The following RPS6KB1 variants were observed in gnomAD, a reference collection of about 807,000 sequenced individuals.
The protein encoded by RPS6KB1 is ribosomal protein S6 kinase beta-1.
In RPS6KB1, 12 loss-of-function variants were observed where a neutral mutation model predicts 70.2. That is an observed-to-expected ratio of 0.17 (90% CI 0.11 to 0.28). RPS6KB1 has a LOEUF of 0.28. Among genes scored for constraint, RPS6KB1 ranks in the 10% least tolerant of loss-of-function variants. RPS6KB1 has a pLI of 1.00. For missense variants in RPS6KB1, 270 were observed against 646.6 expected (o/e 0.42, Z 6.32); for synonymous variants, 175 against 211.2 (o/e 0.83, Z 1.49).
At chr17:59,923,667 G>T (rs151072504) in intron 4 of RPS6KB1, among the ~76,000 whole-genome samples, 1 of 151,530 alleles carries the variant, frequency 6.6e-6, no homozygotes, top group Non-Finnish European at 1.5e-5. Flanking sequence ...CTGCCACCAC[G>T]CCCGGCTAAT....
chr17:59,923,905 T>A (rs903678368), intron 4 of RPS6KB1, among the ~76,000 whole-genome samples: 10 of 152,238 alleles, frequency 6.6e-5, no homozygotes, highest in Non-Finnish European at 1.5e-4. Context: ...AGTTGTACAA[T>A]ATGTGCATAA....
chr17:59,897,456 G>C (rs1476648212), intron 1 of RPS6KB1, among the ~76,000 whole-genome samples: 1 of 152,040 alleles, frequency 6.6e-6, no homozygotes. Flanking sequence ...TTAAACTCGA[G>C]GTGCTGTATT....
Position 59,934,136 on chromosome 17 carries a change from C to G in RPS6KB1, c.689-34C>G. ...TCAAACACTGCACATACTTATAATT[C>G]GGAGAATAATCATGCTGTAATCTTT... On this transcript the variant is annotated intron_variant, in intron 7 of 14. Coordinates refer to ENST00000225577, the MANE Select transcript of RPS6KB1 (RefSeq NM_003161.4). The surrounding 1 kb of genome is among the most constrained non-coding windows in gnomAD (Gnocchi z 4.8). 5 of 1,280,696 alleles carry G rather than the reference C, an allele frequency of 3.9e-6. No homozygotes were observed. The highest frequency in any genetic ancestry group is 5.7e-6 in the Non-Finnish European group (5 of 876,052). The allele number at this position is 1,280,696 out of a possible 1,614,324, so 79.3% of individuals were successfully genotyped here. A position where few individuals can be genotyped will look rare whatever the true frequency, so the allele number is the denominator to read the frequency against.
chr17:59,925,722 T>G (rs1481011646), intron 4 of RPS6KB1, among the ~76,000 whole-genome samples: 1 of 152,210 alleles, frequency 6.6e-6, no homozygotes, highest in Non-Finnish European at 1.5e-5. Context: ...CATACCAAAC[T>G]ACTTGTAGAT....
At chr17:59,899,507 A>G (rs78859268) in intron 1 of RPS6KB1, among the ~76,000 whole-genome samples, 7,601 of 152,230 alleles carry the variant, frequency 0.05, 595 homozygotes, top group African/African-American at 0.17. Flanking sequence ...TTTAATTTAG[A>G]ATTAAGTAAA....
rs866049296 is a variant in RPS6KB1 at position 59,938,745 on chromosome 17, T to G, written c.1120-2091T>G. 1.3e-3 allele frequency among the ~76,000 whole-genome samples: 114 copies of G among 85,262 alleles called. 1 individual carries two copies. Among genetic ancestry groups the G allele is most frequent in the South Asian group, 2.3e-3 (5 of 2,136 alleles). The allele number at this position is 85,262 out of a possible 152,430, so 55.9% of individuals were successfully genotyped here. Reference sequence around the variant, plus strand: ...TGTGTGTGTGTGTGTGTGTGTGTGTTTAAGTGATGTTAGTGGTCACTGATC... The same window carrying G: ...TGTGTGTGTGTGTGTGTGTGTGTGTGTAAGTGATGTTAGTGGTCACTGATC... On this transcript the variant is annotated intron_variant, in intron 12 of 14. Coordinates refer to ENST00000225577, the MANE Select transcript of RPS6KB1 (RefSeq NM_003161.4).
chr17:59,905,963 T>C (rs2144731981), intron 1 of RPS6KB1, among the ~76,000 whole-genome samples: 1 of 152,206 alleles, frequency 6.6e-6, no homozygotes, highest in South Asian at 2.1e-4. Context: ...GCTCGAGTTT[T>C]ATAGTTTTAG....
chr17:59,905,605 A>G (rs2042218656), intron 1 of RPS6KB1, among the ~76,000 whole-genome samples: 1 of 151,404 alleles, frequency 6.6e-6, no homozygotes. Flanking sequence ...CCTGGATTCA[A>G]GCAATTCTCC....
In RPS6KB1 at chr17:59,939,844, A is replaced by G. The variant is rs536505542; in HGVS notation, c.1120-992A>G. On this transcript the variant is annotated intron_variant, in intron 12 of 14. Transcript: ENST00000225577. The stretch of plus-strand genomic sequence containing the variant: ...AAGGTCAATGTGGTCATCTTTTAGT[A>G]TTAAGTCAGATATTCTAAATTATTA... Among the ~76,000 whole-genome samples, 61 of 152,298 alleles carry G rather than the reference A, an allele frequency of 4.0e-4. 2 individuals carry two copies. In the South Asian group the frequency reaches 0.012, roughly 31 times the overall value.
intron 12 of RPS6KB1, among the ~76,000 whole-genome samples, chr17:59,938,199 G>T (rs1463320775): frequency 7.5e-6 from 1 of 133,750 alleles, no homozygotes; most frequent in Non-Finnish European, 1.6e-5. Context: ...GGGGGATAGG[G>T]TCTTTCTCTG....
intron 12 of RPS6KB1, among the ~76,000 whole-genome samples, chr17:59,938,018 A>G (rs1361814167): frequency 6.6e-6 from 1 of 152,084 alleles, no homozygotes; most frequent in African/African-American, 2.4e-5. Flanking sequence ...ACAACAAACA[A>G]TTGTAAGGAA....
At chr17:59,898,455 T>C (rs1481869558) in intron 1 of RPS6KB1, among the ~76,000 whole-genome samples, 3 of 152,126 alleles carry the variant, frequency 2.0e-5, no homozygotes, top group African/African-American at 4.8e-5. Flanking sequence ...AACTTTTTTT[T>C]ATTTTTTATT....
At chr17:59,911,095 C>T (rs552526905) in intron 2 of RPS6KB1, among the ~76,000 whole-genome samples, 3 of 152,262 alleles carry the variant, frequency 2.0e-5, no homozygotes, top group African/African-American at 2.4e-5. Flanking sequence ...CCAGCCTGGC[C>T]GACATGGCGA....
At chr17:59,900,447 C>T (rs1049499330) in intron 1 of RPS6KB1, among the ~76,000 whole-genome samples, 7 of 152,002 alleles carry the variant, frequency 4.6e-5, no homozygotes, top group Non-Finnish European at 8.8e-5. Flanking sequence ...CTCACTGCAA[C>T]CTCCACCTCC....
intron 1 of RPS6KB1, among the ~76,000 whole-genome samples, chr17:59,901,572 A>G (rs2041947399): frequency 1.4e-5 from 2 of 146,672 alleles, no homozygotes; most frequent in Admixed American, 6.9e-5. Flanking sequence ...GATGGAGCGC[A>G]TGAGCCTAGG....
At chr17:59,895,318 C>CTTTTT (rs71145587) in intron 1 of RPS6KB1, among the ~76,000 whole-genome samples, 3 of 106,282 alleles carry the variant, frequency 2.8e-5, no homozygotes, top group South Asian at 3.6e-4. Context: ...CTGCGCCTGG[C>CTTTTT]TTTTTTTTTT....
chr17:59,916,455 C>T (rs1164312826), intron 4 of RPS6KB1, among the ~76,000 whole-genome samples: 3 of 152,250 alleles, frequency 2.0e-5, no homozygotes, highest in Non-Finnish European at 4.4e-5. Flanking sequence ...CTTCACCCTC[C>T]TTTATCCTCA....
At chr17:59,921,613 G>C (rs569409187) in intron 4 of RPS6KB1, among the ~76,000 whole-genome samples, 1 of 152,154 alleles carries the variant, frequency 6.6e-6, no homozygotes, top group Non-Finnish European at 1.5e-5. Flanking sequence ...TGGACATTCT[G>C]TCTGGATTTA....
intron 13 of RPS6KB1, among the ~76,000 whole-genome samples, chr17:59,942,069 A>C (rs567102885): frequency 6.6e-6 from 1 of 151,786 alleles, no homozygotes; most frequent in Non-Finnish European, 1.5e-5. Flanking sequence ...CGTGTTAGCC[A>C]GGATAGTTTT....
Sources: gnomAD v4.1 joint callset for allele counts (sites outside exome capture counted in the v4.1 genomes callset) on GRCh38, gnomAD v4.1.1 for gene constraint, Gnocchi (gnomAD v3.1) non-coding constraint, MANE v1.5 for transcripts, NCBI Gene and HGNC (gene_info 2026-07-23, HGNC 2026-07-21) for gene names.